RILPL1: variants seen among roughly 807,000 people sequenced by gnomAD.
RILPL1 encodes Rab interacting lysosomal protein like 1.
A neutral mutation model predicts 50.3 loss-of-function variants in RILPL1; 33 were observed. The observed-to-expected ratio is 0.66, with a 90% CI of 0.50 to 0.88. The LOEUF (loss-of-function observed/expected upper bound fraction) is 0.88. RILPL1 is among the 40% of genes least tolerant of loss of function. RILPL1 has a pLI of 0.00. For missense variants in RILPL1, 418 were observed against 542.5 expected (o/e 0.77, Z 2.28); for synonymous variants, 205 against 228.6 (o/e 0.90, Z 0.93).
intron 2 of RILPL1, chr12:123,515,452 TTGTC>T (rs1290448112): frequency 1.3e-5 from 2 of 151,374 alleles, no homozygotes; most frequent in Non-Finnish European, 3.0e-5. Flanking sequence ...TGTTTTTTTT[TTGTC>T]TGTCTGTTTT....
At position 123,485,867 on chromosome 12, in the gene RILPL1, A is replaced by G. The variant is rs1882299582; in HGVS notation, c.802-62T>C. On this transcript the variant is annotated intron_variant, in intron 4 of 6. Transcript: ENST00000376874. This position sits in a 1 kb window ranked among gnomAD's most constrained non-coding sequence, Gnocchi z 4.0. Reference sequence around the variant, plus strand: ...CAGCCACTGCCAGCACCCACTCTCTATCCTGAAGGAGCCCAAATTCTCCCC... The same window carrying G: ...CAGCCACTGCCAGCACCCACTCTCTGTCCTGAAGGAGCCCAAATTCTCCCC... 1.3e-6 allele frequency: 2 copies of G among 1,492,454 alleles called. No homozygotes were observed. The highest frequency in any genetic ancestry group is 2.4e-5 in the Admixed American group (1 of 41,990). 92.5% of individuals were successfully genotyped at this position (1,492,454 alleles called of 1,614,324 possible). A position where few individuals can be genotyped will look rare whatever the true frequency, so the allele number is the denominator to read the frequency against.
intron 6 of RILPL1, chr12:123,473,176 C>A: frequency 5.9e-6 from 1 of 168,924 alleles, no homozygotes; most frequent in Non-Finnish European, 1.3e-5. Flanking sequence ...GACATTACTG[C>A]TTAGATGAGG....
chr12:123,533,682 G>T lies in RILPL1; in HGVS notation c.-200C>A. The T allele has an allele frequency of 6.0e-6, 1 of 165,804 alleles. No individual in the cohort carries two copies. Among genetic ancestry groups the T allele is most frequent in the Non-Finnish European group, 1.2e-5 (1 of 83,238 alleles). 10.3% of individuals were successfully genotyped at this position (165,804 alleles called of 1,614,324 possible). A position where few individuals can be genotyped will look rare whatever the true frequency, so the allele number is the denominator to read the frequency against. On this transcript the variant is annotated 5_prime_UTR_variant, in exon 1 of 7. Coordinates refer to ENST00000376874, the MANE Select transcript of RILPL1 (RefSeq NM_178314.5). This position sits in a 1 kb window ranked among gnomAD's most constrained non-coding sequence, Gnocchi z 6.2. ...GCGGCGCGGGGTGTGCGGGCCCGGG[G>T]TCTGGGCGCCCGGCTCGGCCCGGAG... is the stretch of plus-strand genomic sequence containing the variant.
chr12:123,490,992 C>T (rs1342879825), intron 4 of RILPL1, among the ~76,000 whole-genome samples: 11 of 152,282 alleles, frequency 7.2e-5, no homozygotes, highest in African/African-American at 1.9e-4. Flanking sequence ...TCAGGTGATC[C>T]GCCTGCCTCA....
chr12:123,510,716 A>T (rs1165816697), intron 2 of RILPL1, among the ~76,000 whole-genome samples: 3 of 95,034 alleles, frequency 3.2e-5, no homozygotes, highest in Admixed American at 1.1e-4. Flanking sequence ...GTGTGGTGTC[A>T]ATGTGAGGTC....
At chr12:123,481,358 CAAAA>C (rs1250502610) in intron 6 of RILPL1, among the ~76,000 whole-genome samples, 4 of 107,032 alleles carry the variant, frequency 3.7e-5, no homozygotes, top group Admixed American at 9.7e-5. Context: ...GACTCCCTCT[CAAAA>C]AAAAAAAAAA....
At chr12:123,530,919 T>C (rs1048667685) in intron 1 of RILPL1, among the ~76,000 whole-genome samples, 2 of 151,930 alleles carry the variant, frequency 1.3e-5, no homozygotes, top group African/African-American at 4.8e-5. Context: ...GTGGGTCTAC[T>C]GAGAGGAGGA....
chr12:123,527,769 G>A (rs2333831), intron 1 of RILPL1, among the ~76,000 whole-genome samples: 84,475 of 151,950 alleles, frequency 0.56, 25,472 homozygotes, highest in East Asian at 0.9. Context: ...GCAGGTCAGC[G>A]TTAGAGGAAT....
intron 1 of RILPL1, among the ~76,000 whole-genome samples, chr12:123,525,552 T>C (rs1885219290): frequency 1.3e-5 from 2 of 150,768 alleles, no homozygotes; most frequent in Non-Finnish European, 3.0e-5. Context: ...ATACAAAAAA[T>C]TAGCCGGGTG....
Position 123,498,702 on chromosome 12 carries a change from C to T in RILPL1, c.643G>A (p.Val215Met), listed in dbSNP as rs762365210. 5 of 1,613,626 alleles carry T rather than the reference C, an allele frequency of 3.1e-6. No individual in the cohort carries two copies. Among genetic ancestry groups the T allele is most frequent in the Middle Eastern group, 1.6e-4 (1 of 6,084 alleles). ...NHDLRHRVTV[V>M]EAQGKALIEQ... Reference sequence around the variant, plus strand: ...ATCAGGGCTTTCCCCTGGGCCTCCACCACCGTGACCCGGTGCCGAAGGTCA... The same window carrying T: ...ATCAGGGCTTTCCCCTGGGCCTCCATCACCGTGACCCGGTGCCGAAGGTCA... Residue 215 changes from valine to methionine, a missense_variant, in exon 4 of 7, where the codon GTG (valine) becomes ATG (methionine). By Grantham distance (21) the Val-to-Met change is conservative. Coordinates refer to ENST00000376874, the MANE Select transcript of RILPL1 (RefSeq NM_178314.5). The surrounding 1 kb of genome is among the most constrained non-coding windows in gnomAD (Gnocchi z 4.3).
rs1335779009 is a variant in RILPL1 at position 123,472,520 on chromosome 12, G to T, written c.*18C>A. On this transcript the variant is annotated 3_prime_UTR_variant, in exon 7 of 7. Transcript: ENST00000376874. ...TGGTGGCGGGCAGTCCAGGTTGGAG[G>T]GTGGAGATGGGCCAAGGTCACAGAT... 4.5e-6 allele frequency: 7 copies of T among 1,550,250 alleles called. No homozygotes were observed. The highest frequency in any genetic ancestry group is 1.4e-5 in the African/African-American group (1 of 73,012).
intron 4 of RILPL1, among the ~76,000 whole-genome samples, chr12:123,496,060 T>G (rs544056382): frequency 6.6e-6 from 1 of 152,156 alleles, no homozygotes; most frequent in Non-Finnish European, 1.5e-5. Context: ...TCGCCCAGGC[T>G]GGAGTGCAGT....
In RILPL1 at chr12:123,489,447, G is replaced by A. The variant is rs1253579693; in HGVS notation, c.802-3642C>T. On this transcript the variant is annotated intron_variant, in intron 4 of 6. Transcript: ENST00000376874. The surrounding 1 kb of genome is among the most constrained non-coding windows in gnomAD (Gnocchi z 4.0). Reference sequence around the variant, plus strand: ...TGGGAAGCTGAGGTGGGTGGATCACGAAGTCAGGAGATCGAGACCAGCCTG... The same window carrying A: ...TGGGAAGCTGAGGTGGGTGGATCACAAAGTCAGGAGATCGAGACCAGCCTG... 3.9e-5 allele frequency among the ~76,000 whole-genome samples: 6 copies of A among 152,172 alleles called. No homozygotes were observed. The highest frequency in any genetic ancestry group is 3.3e-4 in the Admixed American group (5 of 15,276).
intron 6 of RILPL1, among the ~76,000 whole-genome samples, chr12:123,476,843 C>T (rs1332045155): frequency 1.3e-5 from 2 of 152,178 alleles, no homozygotes; most frequent in East Asian, 1.9e-4. Context: ...TGACAGCCAA[C>T]GAGGGATGAC....
At chr12:123,521,610 CACATATGTGTATAT>C (rs1885030513) in intron 2 of RILPL1, among the ~76,000 whole-genome samples, 3 of 39,988 alleles carry the variant, frequency 7.5e-5, no homozygotes, top group Admixed American at 3.0e-4. Context: ...TATATATACA[CACATATGTGTATAT>C]ATATACACAC....
intron 4 of RILPL1, among the ~76,000 whole-genome samples, chr12:123,488,444 CAA>C (rs542226782): frequency 6.5e-4 from 50 of 76,944 alleles, no homozygotes; most frequent in Admixed American, 7.7e-4. Context: ...GACCCTGTCT[CAA>C]AAAAAAAAAA....
chr12:123,488,799 C>T lies in RILPL1; in HGVS notation c.802-2994G>A, dbSNP rs374716847. 5.7e-4 allele frequency among the ~76,000 whole-genome samples: 87 copies of T among 152,334 alleles called. 1 individual carries two copies. In the South Asian group the frequency reaches 0.011, roughly 19 times the overall value. On this transcript the variant is annotated intron_variant, in intron 4 of 6. Transcript: ENST00000376874. ...ACTGAAATCTGACCCCGGCCGCCCT[C>T]GCAAGCTGTCTGGGCAGCTGAGGGG... is the stretch of plus-strand genomic sequence containing the variant.
intron 4 of RILPL1, among the ~76,000 whole-genome samples, chr12:123,495,869 C>A (rs1566123505): frequency 6.7e-6 from 1 of 150,230 alleles, no homozygotes; most frequent in Non-Finnish European, 1.5e-5. Context: ...TTAGTAGAGA[C>A]GGGGTTTCGC....
chr12:123,475,698 G>A (rs1464903728), intron 6 of RILPL1: 2 of 1,594,166 alleles, frequency 1.3e-6, no homozygotes, highest in South Asian at 1.1e-5. Context: ...TGCAGTGTGG[G>A]GTCATCTATT....
Sources: allele counts gnomAD v4.1 joint callset (sites outside exome capture counted in the v4.1 genomes callset), GRCh38; gene constraint gnomAD v4.1.1; non-coding constraint Gnocchi (gnomAD v3.1); transcripts MANE v1.5; gene names NCBI Gene and HGNC (gene_info 2026-07-23, HGNC 2026-07-21).